SEMA6A: variants seen among roughly 807,000 people sequenced by gnomAD.
The protein encoded by SEMA6A is semaphorin 6A, also known as semaphorin-6A.
Under a neutral mutation model 96.8 loss-of-function variants are expected in SEMA6A, and 25 were observed. The ratio of observed to expected loss-of-function variants is 0.26; its 90% confidence interval spans 0.19 to 0.36. SEMA6A has a LOEUF of 0.36. Ranked by LOEUF, SEMA6A falls within the 10% of genes least tolerant of loss-of-function variation. SEMA6A has a pLI of 1.00. For synonymous variants in SEMA6A, 612 were observed against 518.0 expected (o/e 1.18, Z -2.46); for missense variants, 1,363 against 1,323.1 (o/e 1.03, Z -0.47).
chr5:116,505,050 C>G, intron 1 of SEMA6A, 68 bp from the exon 2 acceptor site: 2 of 680,884 alleles, frequency 2.9e-6, no homozygotes, highest in Non-Finnish European at 5.1e-6. Context: ...ATGAAATACC[C>G]TGAAAGATAA....
chr5:116,521,932 T>A (rs1758968220), intron 1 of SEMA6A, among the ~76,000 whole-genome samples: 1 of 152,238 alleles, frequency 6.6e-6, no homozygotes, highest in Non-Finnish European at 1.5e-5. Context: ...ATGGCTTGTT[T>A]AGGCAACATT....
chr5:116,495,585 T>C (rs1757554912), intron 5 of SEMA6A, 71 bp from the exon 6 acceptor site: 2 of 1,143,416 alleles, frequency 1.7e-6, no homozygotes, highest in Non-Finnish European at 2.5e-6. Flanking sequence ...CTGTATGCCA[T>C]GGTTGGCTGA....
At chr5:116,455,780 G>C (rs1291169532) in intron 18 of SEMA6A, among the ~76,000 whole-genome samples, 1 of 152,126 alleles carries the variant, frequency 6.6e-6, no homozygotes, top group African/African-American at 2.4e-5. Context: ...GGGTGTTACT[G>C]GTTAAGAACA....
chr5:116,552,222 C>A (rs567821905), intron 1 of SEMA6A, among the ~76,000 whole-genome samples: 89 of 145,808 alleles, frequency 6.1e-4, no homozygotes, highest in Non-Finnish European at 1.1e-3. Context: ...GTACACATTT[C>A]CTTTAAAAAA....
chr5:116,475,315 C>T (rs914173182), intron 16 of SEMA6A, among the ~76,000 whole-genome samples: 4 of 152,152 alleles, frequency 2.6e-5, no homozygotes, highest in Admixed American at 6.5e-5. Flanking sequence ...GAATTTTTTC[C>T]CCTGCATTAG....
chr5:116,482,275 G>T (rs1358840135), intron 11 of SEMA6A, among the ~76,000 whole-genome samples, 169 bp downstream of exon 11: 1 of 152,104 alleles, frequency 6.6e-6, no homozygotes, highest in African/African-American at 2.4e-5. Flanking sequence ...GAGGAACATT[G>T]GTTTGAGTAT....
chr5:116,506,116 T>TA lies in SEMA6A; in HGVS notation c.-38-1135_-38-1134insT, dbSNP rs1481330421. Among the ~76,000 whole-genome samples, 856 of 152,350 alleles carry TA rather than the reference T, an allele frequency of 5.6e-3. 7 individuals are homozygous for TA. The highest frequency in any genetic ancestry group is 0.019 in the African/African-American group (808 of 41,580). ...GAAATGTCAAACTTAGTAACCTAGA[T>TA]GTCTTTGAAAGTTAATTTGGCAAAC... On this transcript the variant is annotated intron_variant, in intron 1 of 18. Transcript: ENST00000343348.
At position 116,475,577 on chromosome 5, in the gene SEMA6A, C is replaced by G; in HGVS notation, c.1676G>C (p.Arg559Pro). The change falls in exon 16 of 19, where the codon CGT becomes CCT. Residue 559 changes from arginine (R) to proline (P), a missense_variant. Arg to Pro is a moderately radical substitution (Grantham distance 103). This residue lies in a region of SEMA6A where 883 missense variants were observed against 763.6 expected (regional missense o/e 1.16). Transcript: ENST00000343348. ...SRLTFEQDIE[R>P]GNTDGLGDCH... is the part of the protein sequence containing the mutation. ...GTCCCCCAGACCATCTGTATTGCCA[C>G]GCTCTATGTCCTGCTCAAAAGTCAG... is the stretch of plus-strand genomic sequence containing the variant. The G allele has an allele frequency of 6.2e-7, 1 of 1,602,082 alleles. No individual in the cohort carries two copies. The highest frequency in any genetic ancestry group is 2.2e-5 in the East Asian group (1 of 44,596).
intron 1 of SEMA6A, among the ~76,000 whole-genome samples, chr5:116,518,882 C>T (rs33032): frequency 4.6e-4 from 70 of 152,234 alleles, no homozygotes; most frequent in Non-Finnish European, 9.0e-4. Flanking sequence ...GAACGTCTTT[C>T]AAAGAGGAGA....
chr5:116,458,475 C>T (rs1755156190), intron 18 of SEMA6A, among the ~76,000 whole-genome samples: 1 of 151,938 alleles, frequency 6.6e-6, no homozygotes. Flanking sequence ...GAAAAAGTGG[C>T]TAGAGATTAA....
Position 116,484,042 on chromosome 5 carries a change from C to T in SEMA6A, c.963-1467G>A, listed in dbSNP as rs192820059. ...CTAAGCCACTGCACTCCAGCCTGGG[C>T]GACAGAGTGAGACTCTGTCTGAAGA... is the stretch of plus-strand genomic sequence containing the variant. On this transcript the variant is annotated intron_variant, in intron 10 of 18. Coordinates refer to ENST00000343348, the MANE Select transcript of SEMA6A (RefSeq NM_020796.5). 8.9e-4 allele frequency among the ~76,000 whole-genome samples: 113 copies of T among 127,532 alleles called. 1 individual carries two copies. In the East Asian group the frequency reaches 0.024, roughly 27 times the overall value. The allele number at this position is 127,532 out of a possible 152,430, so 83.7% of individuals were successfully genotyped here. A position where few individuals can be genotyped will look rare whatever the true frequency, so the allele number is the denominator to read the frequency against.
At chr5:116,524,860 T>C (rs73781650) in intron 1 of SEMA6A, among the ~76,000 whole-genome samples, 5,919 of 138,084 alleles carry the variant, frequency 0.043, 376 homozygotes, top group African/African-American at 0.14. Context: ...TGCTGTGTTA[T>C]AGCTATTGGG....
At chr5:116,489,933 G>A (rs745776065) in intron 7 of SEMA6A, among the ~76,000 whole-genome samples, 1 of 152,156 alleles carries the variant, frequency 6.6e-6, no homozygotes, top group Non-Finnish European at 1.5e-5. Flanking sequence ...AATTACTTCC[G>A]TGATTCACTT....
intron 2 of SEMA6A, 97 bp from the exon 3 acceptor site, chr5:116,502,424 G>A (rs1757930230): frequency 1.9e-5 from 18 of 942,798 alleles, no homozygotes; most frequent in Middle Eastern, 3.2e-4. Flanking sequence ...AAAGAAACCC[G>A]TGTTTAAGTC....
intron 3 of SEMA6A, among the ~76,000 whole-genome samples, chr5:116,497,758 G>A (rs1282093248): frequency 6.6e-6 from 1 of 152,096 alleles, no homozygotes; most frequent in Non-Finnish European, 1.5e-5. Flanking sequence ...TCAAATACAC[G>A]TACCAAATAC....
chr5:116,559,330 C>T (rs1251973885), intron 1 of SEMA6A, among the ~76,000 whole-genome samples: 1 of 152,138 alleles, frequency 6.6e-6, no homozygotes, highest in African/African-American at 2.4e-5. Context: ...AGGCCTGGTG[C>T]GTCGCCCAGA....
Position 116,499,489 on chromosome 5 carries a change from C to A in SEMA6A, c.219-2102G>T, listed in dbSNP as rs141147991. Reference sequence around the variant, plus strand: ...TTACTTGCTGCCTAGAAACCTAGATCTCTCAGAGCAATGTTGAGAAGTGTA... The same window carrying A: ...TTACTTGCTGCCTAGAAACCTAGATATCTCAGAGCAATGTTGAGAAGTGTA... On this transcript the variant is annotated intron_variant, in intron 3 of 18. Transcript: ENST00000343348. 3.5e-3 allele frequency among the ~76,000 whole-genome samples: 540 copies of A among 152,228 alleles called. 5 individuals carry two copies. Among genetic ancestry groups the A allele is most frequent in the African/African-American group, 0.013 (519 of 41,516 alleles).
At chr5:116,471,826 T>C (rs1360404809) in intron 17 of SEMA6A, among the ~76,000 whole-genome samples, 1 of 152,248 alleles carries the variant, frequency 6.6e-6, no homozygotes, top group Non-Finnish European at 1.5e-5. Flanking sequence ...CAAAGAGCTA[T>C]TAAACACATT....
chr5:116,506,044 C>T (rs1296518597), intron 1 of SEMA6A, among the ~76,000 whole-genome samples: 2 of 152,134 alleles, frequency 1.3e-5, no homozygotes, highest in Admixed American at 1.3e-4. Context: ...CTTTTTTGAA[C>T]AAAGCTATTT....
Sources: gnomAD v4.1 joint callset for allele counts (sites outside exome capture counted in the v4.1 genomes callset) on GRCh38, gnomAD v4.1.1 for gene constraint, gnomAD v4.1.1 regional missense constraint, MANE v1.5 for transcripts, NCBI Gene and HGNC (gene_info 2026-07-23, HGNC 2026-07-21) for gene names.